Variants in TSFM observed in about 807,000 individuals in gnomAD.
TSFM encodes the protein elongation factor Ts, mitochondrial.
A neutral mutation model predicts 33.4 loss-of-function variants in TSFM; 29 were observed. The observed-to-expected ratio is 0.87, with a 90% confidence interval of 0.65 to 1.18. The LOEUF (loss-of-function observed/expected upper bound fraction) is 1.18. Ranked by LOEUF, TSFM falls within the 50% of genes most tolerant of loss-of-function variation. The probability of loss-of-function intolerance (pLI) is 0.00; values close to 1 mark genes in which losing one functional copy is unlikely to be tolerated. For synonymous variants in TSFM, 178 were observed against 163.5 expected, an observed-to-expected ratio of 1.09 and a Z score of -0.68; for missense variants, 394 against 395.6, an observed-to-expected ratio of 1.00 and a Z score of 0.04.
chr12:57,789,610 C>A (rs1271858112), intron 4 of TSFM, among the ~76,000 whole-genome samples: 1 of 152,158 alleles, frequency 6.6e-6, no homozygotes, highest in Non-Finnish European at 1.5e-5. Flanking sequence ...AGGTGATCTG[C>A]CCGCCTTGGC....
In TSFM at chr12:57,787,040, G is replaced by A. The variant is rs1236408879; in HGVS notation, c.361G>A (p.Val121Ile). 1 of 1,613,040 alleles carries A rather than the reference G, an allele frequency of 6.2e-7. No homozygotes were observed. Among genetic ancestry groups the A allele is most frequent in the East Asian group, 2.2e-5 (1 of 44,882 alleles). Residue 121 changes from valine (V) to isoleucine (I), a missense_variant and splice_region_variant, in exon 4 of 6, where the codon GTA becomes ATA. By Grantham distance (29) the Val-to-Ile change is conservative. Coordinates refer to ENST00000652027, the MANE Select transcript of TSFM (RefSeq NM_005726.6). Reference protein sequence around the residue: ...QEGNTTVLVEVNCETDFVSRN... With the variant: ...QEGNTTVLVEINCETDFVSRN... ...CAGCTATATCAATTTGTTCCCACAG[G>A]TAAACTGTGAGACAGATTTTGTTTC...
rs763758516 is a variant in TSFM at position 57,783,078 on chromosome 12, C to G, written c.58-32C>G. On this transcript the variant is annotated intron_variant, in intron 1 of 5. Transcript: ENST00000652027. Reference sequence around the variant, plus strand: ...CTTCACCCTCTGGAGTTTGCTGCTTCCTGCTCCTCATCCCTTTCTTATCTC... The same window carrying G: ...CTTCACCCTCTGGAGTTTGCTGCTTGCTGCTCCTCATCCCTTTCTTATCTC... The G allele has an allele frequency of 3.1e-6, 5 of 1,588,880 alleles. No individual in the cohort carries two copies. The South Asian group carries it at 4.5e-5, about 14-fold the overall frequency.
downstream of TSFM, chr12:57,799,937 T>G: frequency 6.2e-7 from 1 of 1,613,978 alleles, no homozygotes; most frequent in Non-Finnish European, 8.5e-7. Flanking sequence ...AAGATAAGAA[T>G]GTAGGCACAG....
At chr12:57,789,450 A>G (rs748146653) in intron 4 of TSFM, among the ~76,000 whole-genome samples, 6 of 151,788 alleles carry the variant, frequency 4.0e-5, no homozygotes, top group Non-Finnish European at 8.8e-5. Flanking sequence ...TGCAACCTTC[A>G]CCTCCTGGGT....
chr12:57,787,047 G>C lies in TSFM; in HGVS notation c.368G>C (p.Cys123Ser), dbSNP rs749976185. 2 of 1,613,516 alleles carry C rather than the reference G, an allele frequency of 1.2e-6. No individual in the cohort carries two copies. Among genetic ancestry groups the C allele is most frequent in the South Asian group, 2.2e-5 (2 of 91,026 alleles). Reference protein sequence around the residue: ...GNTTVLVEVNCETDFVSRNLK... With the variant: ...GNTTVLVEVNSETDFVSRNLK... The stretch of plus-strand genomic sequence containing the variant: ...ATCAATTTGTTCCCACAGGTAAACT[G>C]TGAGACAGATTTTGTTTCTAGAAAT... The change falls in exon 4 of 6, where the codon TGT (cysteine) becomes TCT (serine). Residue 123 changes from cysteine (C) to serine (S), a missense_variant. Transcript: ENST00000652027.
intron 4 of TSFM, among the ~76,000 whole-genome samples, chr12:57,792,240 T>G (rs1955672277): frequency 6.6e-6 from 1 of 150,850 alleles, no homozygotes; most frequent in African/African-American, 2.4e-5. Flanking sequence ...CGAGACTCCA[T>G]CTCAAAAAAA....
intron 4 of TSFM, among the ~76,000 whole-genome samples, chr12:57,787,694 C>T (rs764470220): frequency 2.6e-5 from 4 of 151,968 alleles, no homozygotes; most frequent in African/African-American, 9.7e-5. Context: ...TTTGGGAGGC[C>T]GAGGCAGGCA....
At chr12:57,799,649 T>A (rs1165097165), downstream of TSFM, 2 of 1,052,612 alleles carry the variant, frequency 1.9e-6, no homozygotes, top group Non-Finnish European at 2.7e-6. Flanking sequence ...AGAACCCTGG[T>A]TTTTTTTGGT....
intron 2 of TSFM, among the ~76,000 whole-genome samples, chr12:57,785,916 G>A (rs1293071379): frequency 6.6e-6 from 1 of 152,174 alleles, no homozygotes; most frequent in Non-Finnish European, 1.5e-5. Context: ...TATGTGGTGC[G>A]TAACTGTATA....
chr12:57,783,429 C>A, intron 2 of TSFM, 146 bp downstream of exon 2: 1 of 1,059,188 alleles, frequency 9.4e-7, no homozygotes, highest in Non-Finnish European at 1.5e-6. Context: ...AAATGACAAC[C>A]TTGGCCTTGA....
intron 4 of TSFM, among the ~76,000 whole-genome samples, chr12:57,791,271 A>G (rs762599401): frequency 6.6e-6 from 1 of 152,098 alleles, no homozygotes; most frequent in African/African-American, 2.4e-5. Flanking sequence ...CAGCCTCCCA[A>G]AGTGCTGAGA....
chr12:57,788,744 C>G (rs1682472315), intron 4 of TSFM, among the ~76,000 whole-genome samples: 1 of 152,020 alleles, frequency 6.6e-6, no homozygotes, highest in Non-Finnish European at 1.5e-5. Context: ...AAGTGATCTT[C>G]CCACCTCAGA....
At chr12:57,793,595 C>G (rs1377622615) in intron 5 of TSFM, among the ~76,000 whole-genome samples, 1 of 152,188 alleles carries the variant, frequency 6.6e-6, no homozygotes, top group Admixed American at 6.5e-5. Flanking sequence ...ATTGTTATAT[C>G]TAGGGAAACG....
chr12:57,787,364 T>C (rs1283944666), intron 4 of TSFM, among the ~76,000 whole-genome samples: 1 of 152,220 alleles, frequency 6.6e-6, no homozygotes, highest in East Asian at 1.9e-4. Context: ...ATGGTGCTTA[T>C]ATATTACATT....
intron 4 of TSFM, among the ~76,000 whole-genome samples, chr12:57,791,388 A>G (rs139601532): frequency 1.3e-5 from 2 of 152,326 alleles, no homozygotes; most frequent in East Asian, 3.9e-4. Flanking sequence ...AAAAAAAAGT[A>G]TGCTCAGAGG....
chr12:57,794,799 G>A (rs919984570), intron 5 of TSFM, among the ~76,000 whole-genome samples: 4 of 152,034 alleles, frequency 2.6e-5, no homozygotes, highest in African/African-American at 9.7e-5. Context: ...TTGCTCTGTT[G>A]CCCAGGCTGG....
At chr12:57,796,142 G>T in intron 5 of TSFM, 35 bp from the exon 6 acceptor site, 14 of 1,537,408 alleles carry the variant, frequency 9.1e-6, no homozygotes, top group Non-Finnish European at 1.1e-5. Flanking sequence ...ATCACAATTT[G>T]TTGGTGTGTT....
intron 2 of TSFM, 32 bp downstream of exon 2, chr12:57,783,315 CTAGA>C: frequency 6.2e-7 from 1 of 1,613,130 alleles, no homozygotes; most frequent in Non-Finnish European, 8.5e-7. Flanking sequence ...GGGCGGAGTA[CTAGA>C]GCTCGACCTC....
At chr12:57,783,029 A>T in intron 1 of TSFM, 81 bp from the exon 2 acceptor site, 2 of 1,533,776 alleles carry the variant, frequency 1.3e-6, no homozygotes, top group Non-Finnish European at 1.8e-6. Flanking sequence ...CCGCTCCCTA[A>T]GGTCGCTTCC....
Sources: gnomAD v4.1 joint callset for allele counts (sites outside exome capture counted in the v4.1 genomes callset) on GRCh38, gnomAD v4.1.1 for gene constraint, MANE v1.5 for transcripts, NCBI Gene and HGNC (gene_info 2026-07-23, HGNC 2026-07-21) for gene names.